The following GPR176 variants were observed in gnomAD, a reference collection of about 807,000 sequenced individuals.
GPR176 encodes the protein G protein-coupled receptor 176, also known as G-protein coupled receptor 176.
A neutral mutation model predicts 35.4 loss-of-function variants in GPR176; 26 were observed. The observed-to-expected ratio is 0.74, with a 90% CI of 0.54 to 1.02. The LOEUF (loss-of-function observed/expected upper bound fraction) is 1.02. Among genes scored for constraint, GPR176 ranks in the 50% least tolerant of loss-of-function variants. GPR176 has a pLI of 0.00. For missense variants in GPR176, 597 were observed against 665.3 expected, an observed-to-expected ratio of 0.90 and a Z score of 1.13; for synonymous variants, 278 against 271.3, an observed-to-expected ratio of 1.02 and a Z score of -0.24.
At chr15:39,880,322 G>A (rs954958780) in intron 1 of GPR176, among the ~76,000 whole-genome samples, 1 of 152,086 alleles carries the variant, frequency 6.6e-6, no homozygotes, top group Non-Finnish European at 1.5e-5. Flanking sequence ...TGCTCCCTTT[G>A]CTTCTGAGGC....
chr15:39,851,890 T>C (rs995600921), intron 1 of GPR176, among the ~76,000 whole-genome samples: 1 of 152,184 alleles, frequency 6.6e-6, no homozygotes, highest in South Asian at 2.1e-4. Flanking sequence ...AAAAAAAGAT[T>C]TCCAGCTTTG....
chr15:39,893,883 A>G (rs1370516759), intron 1 of GPR176, among the ~76,000 whole-genome samples: 2 of 120,504 alleles, frequency 1.7e-5, no homozygotes, highest in African/African-American at 3.3e-5. Flanking sequence ...CACCTCCCGG[A>G]CGGGGCGGCT....
In GPR176 at chr15:39,903,812, A is replaced by G. The variant is rs554094786; in HGVS notation, c.172+16043T>C. Reference sequence around the variant, plus strand: ...GTGTTACAGGAAAGGGGTCCAATCCAGACCCCAAGAGAGGATTCTTGGGTC... The same window carrying G: ...GTGTTACAGGAAAGGGGTCCAATCCGGACCCCAAGAGAGGATTCTTGGGTC... On this transcript the variant is annotated intron_variant, in intron 1 of 2. Transcript: ENST00000561100. 1.6e-3 allele frequency among the ~76,000 whole-genome samples: 247 copies of G among 152,340 alleles called. 1 individual carries two copies. The highest frequency in any genetic ancestry group is 5.7e-3 in the African/African-American group (237 of 41,578).
At chr15:39,827,572 C>G (rs1027232773) in intron 1 of GPR176, among the ~76,000 whole-genome samples, 1 of 152,190 alleles carries the variant, frequency 6.6e-6, no homozygotes, top group Non-Finnish European at 1.5e-5. Flanking sequence ...CAAGGTTACT[C>G]TGGGGTCCCC....
chr15:39,852,757 T>A (rs188611093), intron 1 of GPR176, among the ~76,000 whole-genome samples: 1 of 152,192 alleles, frequency 6.6e-6, no homozygotes, highest in African/African-American at 2.4e-5. Flanking sequence ...AGGGCACATA[T>A]TTAAATATAA....
chr15:39,888,918 C>T (rs916744915), intron 1 of GPR176, among the ~76,000 whole-genome samples: 4 of 152,222 alleles, frequency 2.6e-5, no homozygotes, highest in Admixed American at 2.0e-4. Flanking sequence ...CCCAGCAAGA[C>T]TCTTATCATC....
intron 1 of GPR176, among the ~76,000 whole-genome samples, chr15:39,913,691 G>A (rs1365870632): frequency 6.6e-6 from 1 of 152,178 alleles, no homozygotes; most frequent in African/African-American, 2.4e-5. Context: ...TTTATGGGAT[G>A]ATAAAAACCT....
intron 1 of GPR176, among the ~76,000 whole-genome samples, chr15:39,868,271 T>C (rs747981733): frequency 2.0e-5 from 3 of 152,140 alleles, no homozygotes; most frequent in Non-Finnish European, 4.4e-5. Flanking sequence ...TTTTGACAAA[T>C]GTGACTGATG....
In GPR176 at chr15:39,801,923, A is replaced by G; in HGVS notation, c.757T>C (p.Ser253Pro). The change falls in exon 3 of 3, where the codon TCT becomes CCT. Residue 253 changes from serine (S) to proline (P), a missense_variant. Around this residue, in one of 3 missense-constraint regions of GPR176, gnomAD observed 220 missense variants for 297.6 expected, o/e 0.74. Coordinates refer to ENST00000561100, the MANE Select transcript of GPR176 (RefSeq NM_007223.3). ...TCCCGCTGGGAGGCATAGGGAATAG[A>G]GATGGTGTTCTGTGGGGTCCGGAGC... is the stretch of plus-strand genomic sequence containing the variant. Reference protein sequence around the residue: ...AALRTPQNTISIPYASQREAE... With the variant: ...AALRTPQNTIPIPYASQREAE... 1 of 1,614,008 alleles carries G rather than the reference A, an allele frequency of 6.2e-7. No individual in the cohort carries two copies. The highest frequency in any genetic ancestry group is 2.2e-5 in the East Asian group (1 of 44,860).
intron 1 of GPR176, among the ~76,000 whole-genome samples, chr15:39,901,945 G>A (rs978938044): frequency 5.3e-5 from 8 of 151,686 alleles, no homozygotes; most frequent in Admixed American, 3.3e-4. Flanking sequence ...TTAGCCAGAC[G>A]TGGTGGTGCA....
intron 1 of GPR176, among the ~76,000 whole-genome samples, chr15:39,851,222 T>C (rs982693309): frequency 1.3e-5 from 2 of 152,144 alleles, no homozygotes; most frequent in Non-Finnish European, 2.9e-5. Context: ...AAAATTTGGA[T>C]GTAACTCATT....
chr15:39,852,163 T>A (rs1211944562), intron 1 of GPR176, among the ~76,000 whole-genome samples: 1 of 152,194 alleles, frequency 6.6e-6, no homozygotes, highest in Non-Finnish European at 1.5e-5. Flanking sequence ...TGTAATATTA[T>A]GAGAAACAGG....
At chr15:39,831,885 T>TCATTGATATTTGGGATAAAA (rs1901098806) in intron 1 of GPR176, among the ~76,000 whole-genome samples, 1 of 152,066 alleles carries the variant, frequency 6.6e-6, no homozygotes, top group Non-Finnish European at 1.5e-5. Context: ...TTGACTTCCC[T>TCATTGATATTTGGGATAAAA]TATCACTCTC....
chr15:39,880,086 A>G (rs942293477), intron 1 of GPR176, among the ~76,000 whole-genome samples: 1 of 152,196 alleles, frequency 6.6e-6, no homozygotes, highest in African/African-American at 2.4e-5. Flanking sequence ...CAAGACTCAG[A>G]ACTTCTCTGG....
At chr15:39,867,984 T>C (rs1293522626) in intron 1 of GPR176, among the ~76,000 whole-genome samples, 1 of 152,088 alleles carries the variant, frequency 6.6e-6, no homozygotes, top group Non-Finnish European at 1.5e-5. Flanking sequence ...ATTCCAGCTA[T>C]TTTCTCAGGC....
chr15:39,862,674 C>A (rs968878219), intron 1 of GPR176, among the ~76,000 whole-genome samples: 6 of 152,192 alleles, frequency 3.9e-5, no homozygotes, highest in Admixed American at 2.6e-4. Flanking sequence ...ATGCATTATT[C>A]ATGTGTTTGT....
At chr15:39,917,489 C>T (rs1245082346) in intron 1 of GPR176, among the ~76,000 whole-genome samples, 1 of 151,178 alleles carries the variant, frequency 6.6e-6, no homozygotes, top group Non-Finnish European at 1.5e-5. Flanking sequence ...GTGCATGCCA[C>T]CACATGCAGC....
chr15:39,900,664 T>C (rs1245773690), intron 1 of GPR176, among the ~76,000 whole-genome samples: 1 of 152,182 alleles, frequency 6.6e-6, no homozygotes, highest in African/African-American at 2.4e-5. Context: ...TTCTCTTTTG[T>C]GCCCAGCTGA....
chr15:39,802,006 A>G lies in GPR176; in HGVS notation c.674T>C (p.Leu225Ser), dbSNP rs1234488886. 6.2e-7 allele frequency: 1 copy of G among 1,613,962 alleles called. No homozygotes were observed. The highest frequency in any genetic ancestry group is 1.3e-5 in the African/African-American group (1 of 74,886). Residue 225 changes from leucine to serine, a missense_variant, in exon 3 of 3, where the codon TTG becomes TCG. Leu to Ser is a moderately radical substitution (Grantham distance 145). Transcript: ENST00000561100. Reference sequence around the variant, plus strand: ...ACTCAGGGCCCGTCGGATCAGTATCAAGAAGAGGAACACCACCACCACAGG... The same window carrying G: ...ACTCAGGGCCCGTCGGATCAGTATCGAGAAGAGGAACACCACCACCACAGG... ...IVPVVVVFLF[L>S]ILIRRALSAS...
Sources: allele counts gnomAD v4.1 joint callset (sites outside exome capture counted in the v4.1 genomes callset), GRCh38; gene constraint gnomAD v4.1.1; regional missense constraint gnomAD v4.1.1; transcripts MANE v1.5; gene names NCBI Gene and HGNC (gene_info 2026-07-23, HGNC 2026-07-21).